TRIO: variants seen among roughly 807,000 people sequenced by gnomAD.
TRIO encodes the protein triple functional domain protein.
A neutral mutation model predicts 351.9 loss-of-function variants in TRIO; 58 were observed. The ratio of observed to expected loss-of-function variants is 0.16; its 90% confidence interval spans 0.13 to 0.21. The LOEUF (loss-of-function observed/expected upper bound fraction) is 0.21, where lower values mean the gene tolerates loss of function less well. TRIO is among the 10% of genes least tolerant of loss of function. TRIO has a pLI of 1.00. For synonymous variants in TRIO, 1,758 were observed against 1,595.7 expected, an observed-to-expected ratio of 1.10 and a Z score of -2.42; for missense variants, 3,201 against 4,027.8, an observed-to-expected ratio of 0.79 and a Z score of 5.56.
intron 1 of TRIO, among the ~76,000 whole-genome samples, chr5:14,151,305 T>G (rs921102622): frequency 6.6e-6 from 1 of 152,092 alleles, no homozygotes; most frequent in Non-Finnish European, 1.5e-5. Flanking sequence ...AAAACACAGT[T>G]CAAATTTACA....
intron 6 of TRIO, 56 bp from the exon 7 acceptor site, chr5:14,297,016 G>A: frequency 6.6e-7 from 1 of 1,525,128 alleles, no homozygotes; most frequent in South Asian, 1.3e-5. Flanking sequence ...CTTCTTAGAA[G>A]GGAGCCTCCT....
At chr5:14,352,570 A>G (rs1743238220) in intron 11 of TRIO, among the ~76,000 whole-genome samples, 1 of 152,246 alleles carries the variant, frequency 6.6e-6, no homozygotes, top group Non-Finnish European at 1.5e-5. Flanking sequence ...ATGTTTCATT[A>G]TGATGTGTGC....
chr5:14,318,026 C>T (rs1739528275), intron 9 of TRIO, among the ~76,000 whole-genome samples: 1 of 152,052 alleles, frequency 6.6e-6, no homozygotes, highest in Admixed American at 6.6e-5. Flanking sequence ...ATTTGGAAGG[C>T]TGAGGCAGGA....
chr5:14,415,985 C>G (rs1046199351), intron 33 of TRIO, among the ~76,000 whole-genome samples: 1 of 151,544 alleles, frequency 6.6e-6, no homozygotes, highest in Non-Finnish European at 1.5e-5. Flanking sequence ...AAATTGCAAT[C>G]CTAAATTCAA....
intron 38 of TRIO, among the ~76,000 whole-genome samples, chr5:14,471,735 C>A (rs1387774976): frequency 1.3e-5 from 2 of 152,056 alleles, no homozygotes; most frequent in African/African-American, 4.8e-5. Context: ...TGGTGAGAAA[C>A]TCCTAGACTT....
chr5:14,329,185 G>A (rs1740678341), intron 9 of TRIO, among the ~76,000 whole-genome samples: 1 of 152,182 alleles, frequency 6.6e-6, no homozygotes, highest in African/African-American at 2.4e-5. Flanking sequence ...TTTGCCATTA[G>A]CAGAGCCATG....
In TRIO at chr5:14,498,198, G is replaced by A. The variant is rs763007498; in HGVS notation, c.8157G>A (p.Lys2719=). 3 of 1,614,212 alleles carry A rather than the reference G, an allele frequency of 1.9e-6. No individual in the cohort carries two copies. The East Asian group carries it at 6.7e-5, about 36-fold the overall frequency. The change falls in exon 52 of 57, where the codon AAG becomes AAA. Residue 2719 remains lysine, a synonymous_variant. Coordinates refer to ENST00000344204, the MANE Select transcript of TRIO (RefSeq NM_007118.4). ...GCCCCAAAGCCTCAATTACCTGGAA[G>A]GGCCCTGAACACAACACCTTGAACA... ...CGRPKASITW[K]GPEHNTLNND...
At position 14,465,563 on chromosome 5, in the gene TRIO, G is replaced by T; in HGVS notation, c.5686G>T (p.Val1896Phe). The T allele has an allele frequency of 6.2e-7, 1 of 1,613,754 alleles. No individual in the cohort carries two copies. Among genetic ancestry groups the T allele is most frequent in the Non-Finnish European group, 8.5e-7 (1 of 1,179,958 alleles). ...TCTGTAGGCCTCTTCTCGGTTATTA[G>T]TCCGCCCCACCAGCTCCGAAACACC... ...QDDKASSRLL[V>F]RPTSSETPSA... Residue 1896 changes from valine to phenylalanine, a missense_variant, in exon 37 of 57, where the codon GTC (valine) becomes TTC (phenylalanine). Val to Phe is a conservative substitution (Grantham distance 50). This residue lies in a region of TRIO where 307 missense variants were observed against 396.5 expected (regional missense o/e 0.77). Coordinates refer to ENST00000344204, the MANE Select transcript of TRIO (RefSeq NM_007118.4).
chr5:14,317,904 A>T (rs1047180017), intron 9 of TRIO, among the ~76,000 whole-genome samples: 16 of 152,210 alleles, frequency 1.1e-4, no homozygotes, highest in Non-Finnish European at 2.2e-4. Context: ...AGGGGGGTGG[A>T]TCACCTGAGG....
rs747134191 is a variant in TRIO at position 14,460,970 on chromosome 5, C to T, written c.5204-49C>T. On this transcript the variant is annotated intron_variant, in intron 34 of 56. Coordinates refer to ENST00000344204, the MANE Select transcript of TRIO (RefSeq NM_007118.4). ...CGGGATAATGGCATGGTCTTCACAC[C>T]GGAGGGTCTGTGCGAGTCAGTGATA... 1.6e-5 allele frequency: 24 copies of T among 1,470,930 alleles called. No individual in the cohort carries two copies. In the East Asian group the frequency reaches 4.5e-4, roughly 28 times the overall value. 91.1% of individuals were successfully genotyped at this position (1,470,930 alleles called of 1,614,324 possible).
chr5:14,426,738 G>T (rs562941563), intron 34 of TRIO, among the ~76,000 whole-genome samples: 96 of 152,314 alleles, frequency 6.3e-4, no homozygotes, highest in Admixed American at 2.0e-3. Flanking sequence ...TCAGCAGGGG[G>T]TTGCGGGGGG....
intron 10 of TRIO, among the ~76,000 whole-genome samples, chr5:14,332,838 T>C (rs1054599718): frequency 2.0e-5 from 3 of 152,190 alleles, no homozygotes; most frequent in Admixed American, 6.5e-5. Flanking sequence ...AGAATACATG[T>C]AGAAATGCCT....
intron 27 of TRIO, 21 bp from the exon 28 acceptor site, chr5:14,394,017 T>G: frequency 6.4e-7 from 1 of 1,572,916 alleles, no homozygotes; most frequent in African/African-American, 1.4e-5. Context: ...AACTCTTGTT[T>G]CTTGTTTGGT....
rs554716201 is a variant in TRIO at position 14,276,326 on chromosome 5, G to T, written c.233-3996G>T. Reference sequence around the variant, plus strand: ...GGCGGGACTTTTCATGCAGGCTGCCGAGTCTTCTCAGCCTTCAGTAGAAAT... The same window carrying T: ...GGCGGGACTTTTCATGCAGGCTGCCTAGTCTTCTCAGCCTTCAGTAGAAAT... On this transcript the variant is annotated intron_variant, in intron 2 of 56. Coordinates refer to ENST00000344204, the MANE Select transcript of TRIO (RefSeq NM_007118.4). Among the ~76,000 whole-genome samples, 69 of 152,322 alleles carry T rather than the reference G, an allele frequency of 4.5e-4. 2 individuals carry two copies. In the South Asian group the frequency reaches 0.013, roughly 30 times the overall value.
At chr5:14,176,578 C>T (rs1455694992) in intron 1 of TRIO, among the ~76,000 whole-genome samples, 4 of 152,138 alleles carry the variant, frequency 2.6e-5, no homozygotes, top group African/African-American at 7.2e-5. Flanking sequence ...CTCAGCCTCC[C>T]GAGTACCTGG....
chr5:14,493,865 G>A (rs1349775042), intron 49 of TRIO, among the ~76,000 whole-genome samples: 1 of 152,236 alleles, frequency 6.6e-6, no homozygotes, highest in African/African-American at 2.4e-5. Flanking sequence ...AGCCTTTGCT[G>A]AGACAGAGAA....
At chr5:14,159,408 G>C (rs1788297181) in intron 1 of TRIO, among the ~76,000 whole-genome samples, 1 of 151,782 alleles carries the variant, frequency 6.6e-6, no homozygotes, top group Non-Finnish European at 1.5e-5. Flanking sequence ...GAAGAGCATA[G>C]CTGAAAAAGT....
At chr5:14,447,252 ATAG>A (rs1256908415) in intron 34 of TRIO, among the ~76,000 whole-genome samples, 1 of 152,114 alleles carries the variant, frequency 6.6e-6, no homozygotes, top group East Asian at 1.9e-4. Flanking sequence ...ATAAAGAGAA[ATAG>A]TAGTTGGCAG....
At chr5:14,395,932 G>C (rs1194891903) in intron 28 of TRIO, among the ~76,000 whole-genome samples, 1 of 151,558 alleles carries the variant, frequency 6.6e-6, no homozygotes, top group Non-Finnish European at 1.5e-5. Flanking sequence ...TGTAGTCCCA[G>C]CTGCTCCGGA....
Sources: allele counts gnomAD v4.1 joint callset (sites outside exome capture counted in the v4.1 genomes callset), GRCh38; gene constraint gnomAD v4.1.1; regional missense constraint gnomAD v4.1.1; transcripts MANE v1.5; gene names NCBI Gene and HGNC (gene_info 2026-07-23, HGNC 2026-07-21).